Variants in CMSS1 observed in about 807,000 individuals in gnomAD.
CMSS1 encodes the protein protein CMSS1.
In CMSS1, 33 loss-of-function variants were observed where a neutral mutation model predicts 43.5. That is an observed-to-expected ratio of 0.76 (90% CI 0.57 to 1.01). The LOEUF (loss-of-function observed/expected upper bound fraction) is 1.01, where lower values mean the gene tolerates loss of function less well. CMSS1 is among the 50% of genes least tolerant of loss of function. The pLI, the probability that CMSS1 is intolerant of heterozygous loss-of-function variation, is 0.00. For synonymous variants in CMSS1, 115 were observed against 117.2 expected (o/e 0.98, Z 0.12); for missense variants, 313 against 326.4 (o/e 0.96, Z 0.32).
In CMSS1 at chr3:99,983,689, CAAAAAAA is replaced by C. The variant is rs533900254; in HGVS notation, c.65-163276_65-163270del. ...TGGGTGACTGAGCAAGACTCAGTCTCAAAAAAAAAAAAAAGAAATGAGAAGTACCACA... is the reference window on the plus strand; with the variant it reads ...TGGGTGACTGAGCAAGACTCAGTCTCAAAAAAAGAAATGAGAAGTACCACA... On this transcript the variant is annotated intron_variant, in intron 1 of 9. Coordinates refer to ENST00000421999, the MANE Select transcript of CMSS1 (RefSeq NM_032359.4). Among the ~76,000 whole-genome samples the C allele has an allele frequency of 2.4e-4, 22 of 89,958 alleles. No individual in the cohort carries two copies. The South Asian group carries it at 7.1e-3, about 29-fold the overall frequency. The allele number at this position is 89,958 out of a possible 152,430, so 59.0% of individuals were successfully genotyped here.
At chr3:100,090,429 T>C (rs1165673110) in intron 1 of CMSS1, among the ~76,000 whole-genome samples, 1 of 152,210 alleles carries the variant, frequency 6.6e-6, no homozygotes, top group Non-Finnish European at 1.5e-5. Context: ...CCTTATAACA[T>C]TTTCTAAGAA....
intron 1 of CMSS1, among the ~76,000 whole-genome samples, chr3:99,899,754 A>T (rs1056929523): frequency 3.9e-5 from 6 of 152,218 alleles, no homozygotes; most frequent in Admixed American, 2.6e-4. Context: ...ATTAACTCCC[A>T]GGGTGATGAA....
chr3:100,128,421 C>G (rs2066679933), intron 1 of CMSS1, among the ~76,000 whole-genome samples: 1 of 152,164 alleles, frequency 6.6e-6, no homozygotes, highest in Non-Finnish European at 1.5e-5. Context: ...TAAAAATAAA[C>G]ATAACATATG....
chr3:99,906,535 C>T (rs1049533140), intron 1 of CMSS1, among the ~76,000 whole-genome samples: 8 of 152,102 alleles, frequency 5.3e-5, no homozygotes, highest in Non-Finnish European at 1.2e-4. Context: ...TCAATAAAGT[C>T]TTACTTTTTT....
At chr3:99,904,828 A>G (rs1027893815) in intron 1 of CMSS1, among the ~76,000 whole-genome samples, 1 of 152,046 alleles carries the variant, frequency 6.6e-6, no homozygotes. Flanking sequence ...CACTGTTTCT[A>G]CAAGTGACCA....
intron 1 of CMSS1, among the ~76,000 whole-genome samples, chr3:100,145,216 G>A (rs917009206): frequency 5.3e-5 from 8 of 152,034 alleles, no homozygotes; most frequent in Non-Finnish European, 7.4e-5. Flanking sequence ...CGAGGCAGGC[G>A]GATCACCTGA....
intron 1 of CMSS1, among the ~76,000 whole-genome samples, chr3:100,028,981 TG>T (rs1454648653): frequency 6.6e-6 from 1 of 152,160 alleles, no homozygotes; most frequent in Non-Finnish European, 1.5e-5. Context: ...GTCCGTTACT[TG>T]AGCAGTTACT....
At chr3:100,018,696 A>G (rs146786707) in intron 1 of CMSS1, among the ~76,000 whole-genome samples, 1 of 151,348 alleles carries the variant, frequency 6.6e-6, no homozygotes, top group Non-Finnish European at 1.5e-5. Flanking sequence ...GCAAGAATAG[A>G]TGAATGAAAT....
intron 1 of CMSS1, among the ~76,000 whole-genome samples, chr3:99,937,006 C>T (rs1707698578): frequency 6.6e-6 from 1 of 152,010 alleles, no homozygotes; most frequent in Admixed American, 6.6e-5. Flanking sequence ...GGCGTGATCT[C>T]GGGTCACTGC....
intron 1 of CMSS1, among the ~76,000 whole-genome samples, chr3:99,942,177 G>A (rs1707870760): frequency 1.3e-5 from 2 of 151,822 alleles, no homozygotes; most frequent in Non-Finnish European, 2.9e-5. Flanking sequence ...ACTCCAGCCT[G>A]GGTGAGAGAC....
In CMSS1 at chr3:99,818,068, T is replaced by C. The variant is rs1411727378; in HGVS notation, c.64+25T>C. 4.4e-6 allele frequency: 7 copies of C among 1,608,412 alleles called. No homozygotes were observed. The South Asian group carries it at 7.7e-5, about 18-fold the overall frequency. On this transcript the variant is annotated intron_variant, in intron 1 of 9. Coordinates refer to ENST00000421999, the MANE Select transcript of CMSS1 (RefSeq NM_032359.4). Reference sequence around the variant, plus strand: ...GGTACCCACTCTGTGCCCGCGCTCCTACGGGGCCTCTCCCGGAGCCCTTCC... The same window carrying C: ...GGTACCCACTCTGTGCCCGCGCTCCCACGGGGCCTCTCCCGGAGCCCTTCC...
chr3:100,170,622 G>T (rs944002492), intron 6 of CMSS1, among the ~76,000 whole-genome samples: 1 of 152,196 alleles, frequency 6.6e-6, no homozygotes, highest in African/African-American at 2.4e-5. Flanking sequence ...AGCATTCTCA[G>T]TATCATCTGT....
intron 1 of CMSS1, among the ~76,000 whole-genome samples, chr3:99,931,539 A>G (rs1707482997): frequency 1.3e-5 from 2 of 152,208 alleles, no homozygotes; most frequent in Non-Finnish European, 2.9e-5. Flanking sequence ...TAGGACAGAA[A>G]TGGCAGAGTT....
chr3:99,845,896 G>A (rs762253684), intron 1 of CMSS1, among the ~76,000 whole-genome samples: 46 of 152,216 alleles, frequency 3.0e-4, no homozygotes, highest in Non-Finnish European at 4.6e-4. Context: ...TTGAAAGTTT[G>A]GTAAATTTCC....
chr3:99,842,986 A>G (rs972134582), intron 1 of CMSS1, among the ~76,000 whole-genome samples: 5 of 152,154 alleles, frequency 3.3e-5, no homozygotes, highest in Middle Eastern at 3.2e-3. Flanking sequence ...ACCCTTCTTG[A>G]TGTACCTTGA....
intron 1 of CMSS1, among the ~76,000 whole-genome samples, chr3:99,897,553 TTC>T (rs1706298064): frequency 6.6e-6 from 1 of 152,184 alleles, no homozygotes. Flanking sequence ...GTAGTCTATA[TTC>T]TCTAAGGCTT....
At chr3:100,020,712 A>T (rs2064796833) in intron 1 of CMSS1, among the ~76,000 whole-genome samples, 1 of 150,948 alleles carries the variant, frequency 6.6e-6, no homozygotes, top group South Asian at 2.1e-4. Context: ...TATACATGTT[A>T]CTATTAACTT....
chr3:99,874,696 C>A (rs1042964575), intron 1 of CMSS1, among the ~76,000 whole-genome samples: 1 of 152,136 alleles, frequency 6.6e-6, no homozygotes, highest in Non-Finnish European at 1.5e-5. Flanking sequence ...TTTTAAAAAC[C>A]ATCCAACAGA....
At chr3:100,007,572 C>T (rs1710023437) in intron 1 of CMSS1, among the ~76,000 whole-genome samples, 1 of 152,178 alleles carries the variant, frequency 6.6e-6, no homozygotes, top group African/African-American at 2.4e-5. Flanking sequence ...AAAACCAACT[C>T]TCAGTTATGT....
Sources: gnomAD v4.1 joint callset for allele counts (sites outside exome capture counted in the v4.1 genomes callset) on GRCh38, gnomAD v4.1.1 for gene constraint, MANE v1.5 for transcripts, NCBI Gene and HGNC (gene_info 2026-07-23, HGNC 2026-07-21) for gene names.